Variants in PLXDC2 observed in about 807,000 individuals in gnomAD.
PLXDC2 encodes plexin domain-containing protein 2.
PLXDC2 carries 40 observed loss-of-function variants against 68.9 expected under a neutral mutation model. That is an observed-to-expected ratio of 0.58 (90% CI 0.45 to 0.76). PLXDC2 has a LOEUF of 0.76. Among genes scored for constraint, PLXDC2 ranks in the 30% least tolerant of loss-of-function variants. The pLI is 0.00. For missense variants in PLXDC2, 644 were observed against 661.9 expected (o/e 0.97, Z 0.30); for synonymous variants, 243 against 234.2 (o/e 1.04, Z -0.34).
intron 3 of PLXDC2, among the ~76,000 whole-genome samples, chr10:20,064,467 A>G (rs1054299705): frequency 3.3e-5 from 5 of 152,016 alleles, no homozygotes; most frequent in Non-Finnish European, 5.9e-5. Flanking sequence ...CGATCCGCCT[A>G]CCTTGGCCTC....
intron 1 of PLXDC2, among the ~76,000 whole-genome samples, chr10:19,877,170 A>G (rs1837647114): frequency 6.6e-6 from 1 of 151,904 alleles, no homozygotes; most frequent in African/African-American, 2.4e-5. Flanking sequence ...TAAGGGAGGG[A>G]AAGTGAAGTG....
intron 1 of PLXDC2, among the ~76,000 whole-genome samples, chr10:19,913,453 A>G (rs1390560265): frequency 6.6e-6 from 1 of 152,186 alleles, no homozygotes; most frequent in Non-Finnish European, 1.5e-5. Context: ...TATTTTTTAT[A>G]GCAGTGTAAT....
intron 6 of PLXDC2, among the ~76,000 whole-genome samples, chr10:20,150,642 G>C (rs186051018): frequency 9.9e-5 from 15 of 152,282 alleles, no homozygotes; most frequent in South Asian, 6.2e-4. Context: ...ACCAACACTG[G>C]TCAAGTCTCT....
intron 9 of PLXDC2, among the ~76,000 whole-genome samples, chr10:20,207,122 A>G (rs1229989179): frequency 6.6e-6 from 1 of 152,156 alleles, no homozygotes; most frequent in Non-Finnish European, 1.5e-5. Context: ...CACAAAAAGT[A>G]TGAGCTTTTC....
chr10:20,258,476 T>A (rs1835770895), intron 13 of PLXDC2, among the ~76,000 whole-genome samples: 1 of 152,200 alleles, frequency 6.6e-6, no homozygotes, highest in Non-Finnish European at 1.5e-5. Flanking sequence ...GTATTTACCT[T>A]CACATTTTTT....
chr10:20,018,954 A>G (rs540666964), intron 2 of PLXDC2, among the ~76,000 whole-genome samples: 9 of 152,118 alleles, frequency 5.9e-5, no homozygotes, highest in Non-Finnish European at 8.8e-5. Flanking sequence ...TTTGAAGGGG[A>G]AAAAAAAGAA....
chr10:20,206,839 T>G (rs1234189369), intron 9 of PLXDC2, among the ~76,000 whole-genome samples: 1 of 146,782 alleles, frequency 6.8e-6, no homozygotes, highest in Non-Finnish European at 1.5e-5. Flanking sequence ...TTAATGTCAT[T>G]GTGCTTTGAA....
chr10:20,199,258 A>G (rs1404668105), intron 9 of PLXDC2, among the ~76,000 whole-genome samples: 1 of 151,990 alleles, frequency 6.6e-6, no homozygotes, highest in African/African-American at 2.4e-5. Context: ...GCAAACTGAG[A>G]CAGAGGTTAC....
At position 19,850,278 on chromosome 10, in the gene PLXDC2, GTT is replaced by G. The variant is rs35339352; in HGVS notation, c.112+33101_112+33102del. On this transcript the variant is annotated intron_variant, in intron 1 of 13. Transcript: ENST00000377252. ...AAAACTGCACCTGCCTAACTGATAGGTTTTTTTTTTTTTTTAGATACACACAC... is the reference window on the plus strand; with the variant it reads ...AAAACTGCACCTGCCTAACTGATAGGTTTTTTTTTTTTTAGATACACACAC... Among the ~76,000 whole-genome samples the G allele has an allele frequency of 1.9e-3, 268 of 142,732 alleles. 1 individual carries two copies. Among genetic ancestry groups the G allele is most frequent in the African/African-American group, 4.8e-3 (190 of 39,404 alleles). 93.6% of individuals were successfully genotyped at this position (142,732 alleles called of 152,430 possible).
chr10:19,971,960 GA>G (rs1048061547), intron 1 of PLXDC2, among the ~76,000 whole-genome samples: 4 of 152,120 alleles, frequency 2.6e-5, no homozygotes, highest in Admixed American at 6.5e-5. Flanking sequence ...CAGATGGAGG[GA>G]GAGATCCTAG....
intron 1 of PLXDC2, among the ~76,000 whole-genome samples, chr10:19,835,153 C>T (rs769053339): frequency 3.5e-4 from 54 of 152,134 alleles, no homozygotes; most frequent in Admixed American, 2.6e-3. Context: ...CACACCTAGC[C>T]GGGTGTTGAA....
At chr10:20,106,575 G>T (rs911504597) in intron 4 of PLXDC2, among the ~76,000 whole-genome samples, 1 of 152,090 alleles carries the variant, frequency 6.6e-6, no homozygotes, top group Admixed American at 6.5e-5. Context: ...TGTGCATGTG[G>T]GAAGAACAGG....
At chr10:19,912,548 G>A (rs533160701) in intron 1 of PLXDC2, among the ~76,000 whole-genome samples, 9 of 151,748 alleles carry the variant, frequency 5.9e-5, no homozygotes, top group African/African-American at 1.9e-4. Flanking sequence ...CAAATTTATC[G>A]GTCCTGGACA....
At chr10:20,196,662 G>A (rs564633848) in intron 9 of PLXDC2, among the ~76,000 whole-genome samples, 3 of 152,128 alleles carry the variant, frequency 2.0e-5, no homozygotes, top group Non-Finnish European at 2.9e-5. Context: ...TAAAGTTCAT[G>A]TTCCTTCCAC....
intron 1 of PLXDC2, among the ~76,000 whole-genome samples, chr10:19,987,719 C>G (rs1046078575): frequency 5.2e-4 from 79 of 151,604 alleles, no homozygotes; most frequent in African/African-American, 1.7e-3. Flanking sequence ...CCGCCACCAC[C>G]CCCGGCTATT....
At position 19,938,855 on chromosome 10, in the gene PLXDC2, G is replaced by A. The variant is rs1833770692; in HGVS notation, c.113-62920G>A. Among the ~76,000 whole-genome samples, 5 of 152,184 alleles carry A rather than the reference G, an allele frequency of 3.3e-5. No individual in the cohort carries two copies. The South Asian group carries it at 1.0e-3, about 32-fold the overall frequency. On this transcript the variant is annotated intron_variant, in intron 1 of 13. Coordinates refer to ENST00000377252, the MANE Select transcript of PLXDC2 (RefSeq NM_032812.9). ...GCAGTTGTGTGCAAAATTAATTGGAGCAGGAAGAAACAGAAACCAAACAAT... is the reference window on the plus strand; with the variant it reads ...GCAGTTGTGTGCAAAATTAATTGGAACAGGAAGAAACAGAAACCAAACAAT...
chr10:20,219,633 T>A (rs1352140419), intron 12 of PLXDC2, among the ~76,000 whole-genome samples: 1 of 152,202 alleles, frequency 6.6e-6, no homozygotes, highest in African/African-American at 2.4e-5. Context: ...ATAATGGTAC[T>A]GGAAAATTTG....
chr10:20,108,125 A>T (rs1213337167), intron 4 of PLXDC2, among the ~76,000 whole-genome samples: 1 of 152,208 alleles, frequency 6.6e-6, no homozygotes, highest in East Asian at 1.9e-4. Flanking sequence ...ATCTTCCAAT[A>T]AGCATTGAAT....
At chr10:20,138,045 G>T (rs1297237947) in intron 4 of PLXDC2, among the ~76,000 whole-genome samples, 1 of 152,062 alleles carries the variant, frequency 6.6e-6, no homozygotes, top group Admixed American at 6.6e-5. Context: ...TATCTTATCT[G>T]TTTTTGTTAA....
Sources: gnomAD v4.1 joint callset for allele counts (sites outside exome capture counted in the v4.1 genomes callset) on GRCh38, gnomAD v4.1.1 for gene constraint, MANE v1.5 for transcripts, NCBI Gene and HGNC (gene_info 2026-07-23, HGNC 2026-07-21) for gene names.